The following IQCM variants were observed in gnomAD, a reference collection of about 807,000 sequenced individuals.
The protein encoded by IQCM is IQ motif containing M, also known as IQ domain-containing protein M.
A neutral mutation model predicts 57.6 loss-of-function variants in IQCM; 45 were observed. The observed-to-expected ratio is 0.78, with a 90% confidence interval of 0.62 to 1.00. The LOEUF (loss-of-function observed/expected upper bound fraction) is 1.00. IQCM is among the 50% of genes least tolerant of loss of function. The pLI is 0.00. For synonymous variants in IQCM, 148 were observed against 158.9 expected (o/e 0.93, Z 0.51); for missense variants, 468 against 511.6 (o/e 0.91, Z 0.82).
At chr4:149,386,618 A>C (rs1376759501) in intron 13 of IQCM, among the ~76,000 whole-genome samples, 1 of 152,098 alleles carries the variant, frequency 6.6e-6, no homozygotes, top group Admixed American at 6.6e-5. Context: ...CCAAAAAACT[A>C]TCTTTTATAC....
intron 9 of IQCM, among the ~76,000 whole-genome samples, chr4:149,572,024 C>T (rs1292759326): frequency 1.3e-5 from 2 of 151,954 alleles, no homozygotes; most frequent in East Asian, 3.9e-4. Context: ...CTAGAGCTCC[C>T]CTTCTTTATA....
At chr4:149,648,004 T>C (rs1317504078) in intron 7 of IQCM, among the ~76,000 whole-genome samples, 1 of 152,170 alleles carries the variant, frequency 6.6e-6, no homozygotes, top group Non-Finnish European at 1.5e-5. Flanking sequence ...CTCTACTGCA[T>C]CCAATATGCT....
intron 7 of IQCM, among the ~76,000 whole-genome samples, chr4:149,660,686 C>G (rs2150153471): frequency 6.6e-6 from 1 of 152,122 alleles, no homozygotes; most frequent in African/African-American, 2.4e-5. Flanking sequence ...TTTGTAGGGA[C>G]ATGGATGAAA....
At chr4:149,645,007 C>G (rs1298409746) in intron 7 of IQCM, among the ~76,000 whole-genome samples, 1 of 152,198 alleles carries the variant, frequency 6.6e-6, no homozygotes, top group Non-Finnish European at 1.5e-5. Context: ...AGACTGGACT[C>G]TCCTAGATTT....
At position 149,560,666 on chromosome 4, in the gene IQCM, C is replaced by T. The variant is rs183162087; in HGVS notation, c.948+3026G>A. 2.6e-3 allele frequency among the ~76,000 whole-genome samples: 393 copies of T among 152,006 alleles called. 3 individuals are homozygous for T. Among genetic ancestry groups the T allele is most frequent in the African/African-American group, 6.7e-3 (278 of 41,474 alleles). ...AAATATAGCAATCTCTGTGGTCTTT[C>T]GATGTATGACAGGTAAGATAATTTG... is the stretch of plus-strand genomic sequence containing the variant. On this transcript the variant is annotated intron_variant, in intron 10 of 13. Transcript: ENST00000636793.
intron 12 of IQCM, among the ~76,000 whole-genome samples, chr4:149,488,517 A>G (rs1741758345): frequency 6.6e-6 from 1 of 152,164 alleles, no homozygotes; most frequent in Non-Finnish European, 1.5e-5. Flanking sequence ...CATTATGTAA[A>G]GTTGTTAATA....
intron 12 of IQCM, among the ~76,000 whole-genome samples, chr4:149,468,201 G>A (rs536029127): frequency 6.6e-6 from 1 of 152,252 alleles, no homozygotes; most frequent in East Asian, 1.9e-4. Flanking sequence ...GGAAGCACAA[G>A]GGGTCAGGAA....
chr4:149,528,575 G>T (rs1746416215), intron 12 of IQCM, among the ~76,000 whole-genome samples: 3 of 152,150 alleles, frequency 2.0e-5, no homozygotes, highest in African/African-American at 7.2e-5. Context: ...AGTGGCTCAT[G>T]GGAGAATCAA....
At chr4:149,749,326 T>A (rs1263000607) in intron 2 of IQCM, among the ~76,000 whole-genome samples, 1 of 152,180 alleles carries the variant, frequency 6.6e-6, no homozygotes, top group East Asian at 1.9e-4. Context: ...AATACACAAT[T>A]TGCATTTTAT....
intron 13 of IQCM, among the ~76,000 whole-genome samples, chr4:149,431,224 A>G (rs570647498): frequency 9.9e-5 from 15 of 152,130 alleles, no homozygotes; most frequent in African/African-American, 3.4e-4. Context: ...AAGAAAAGAA[A>G]ATAGATAAAT....
intron 5 of IQCM, among the ~76,000 whole-genome samples, chr4:149,692,632 G>C (rs777411975): frequency 6.6e-6 from 1 of 152,102 alleles, no homozygotes; most frequent in African/African-American, 2.4e-5. Flanking sequence ...TTTTTAAAAA[G>C]TAGTATATAG....
At chr4:149,355,942 G>T (rs1345296559) in intron 13 of IQCM, among the ~76,000 whole-genome samples, 1 of 152,088 alleles carries the variant, frequency 6.6e-6, no homozygotes, top group African/African-American at 2.4e-5. Flanking sequence ...CATTCTAACT[G>T]GTGTGAGATG....
Position 149,553,141 on chromosome 4 carries a change from A to G in IQCM, c.1093+2T>C, listed in dbSNP as rs1461532321. On this transcript the variant is annotated splice_donor_variant, in intron 11 of 13. Coordinates refer to ENST00000636793, the MANE Select transcript of IQCM (RefSeq NM_001363507.2). LOFTEE classifies it high-confidence loss of function. ...CAAACCAGAAGTGTCTGCATCACTT[A>G]CATTTTTTTCGGTCCATCCACTCCT... is the stretch of plus-strand genomic sequence containing the variant. The G allele has an allele frequency of 8.1e-7, 1 of 1,231,870 alleles. No individual in the cohort carries two copies. Among genetic ancestry groups the G allele is most frequent in the African/African-American group, 1.6e-5 (1 of 64,440 alleles). The allele number at this position is 1,231,870 out of a possible 1,614,324, so 76.3% of individuals were successfully genotyped here. A position where few individuals can be genotyped will look rare whatever the true frequency, so the allele number is the denominator to read the frequency against.
intron 2 of IQCM, among the ~76,000 whole-genome samples, chr4:149,746,787 A>G (rs544227051): frequency 1.3e-5 from 2 of 152,240 alleles, no homozygotes; most frequent in Non-Finnish European, 2.9e-5. Context: ...ATGCTAAAAA[A>G]TAGTTGGCTC....
intron 12 of IQCM, among the ~76,000 whole-genome samples, chr4:149,482,174 T>A (rs991752477): frequency 5.3e-5 from 8 of 152,056 alleles, no homozygotes; most frequent in African/African-American, 1.9e-4. Flanking sequence ...GTAATAGTTT[T>A]TTGGTGAAGT....
intron 12 of IQCM, among the ~76,000 whole-genome samples, chr4:149,532,596 A>G (rs945477351): frequency 1.3e-5 from 2 of 151,026 alleles, no homozygotes; most frequent in African/African-American, 4.9e-5. Flanking sequence ...GTGGGGGCAT[A>G]TACTACCTCT....
intron 2 of IQCM, among the ~76,000 whole-genome samples, chr4:149,813,707 C>A (rs1337309215): frequency 6.6e-6 from 1 of 152,082 alleles, no homozygotes; most frequent in Non-Finnish European, 1.5e-5. Flanking sequence ...TGAATCTAAG[C>A]ATCTTTATAT....
At chr4:149,700,253 T>C (rs1162311327) in intron 5 of IQCM, among the ~76,000 whole-genome samples, 2 of 152,078 alleles carry the variant, frequency 1.3e-5, no homozygotes, top group Non-Finnish European at 2.9e-5. Context: ...ATAGCCCACA[T>C]GGAGCTTTGT....
At chr4:149,551,292 A>G (rs1749004273) in intron 11 of IQCM, among the ~76,000 whole-genome samples, 1 of 152,104 alleles carries the variant, frequency 6.6e-6, no homozygotes, top group African/African-American at 2.4e-5. Context: ...TACTATCTAT[A>G]AGACTTTTAC....
Sources: allele counts gnomAD v4.1 joint callset (sites outside exome capture counted in the v4.1 genomes callset), GRCh38; gene constraint gnomAD v4.1.1; transcripts MANE v1.5; gene names NCBI Gene and HGNC (gene_info 2026-07-23, HGNC 2026-07-21).